The following COMMD10 variants were observed in gnomAD, a reference collection of about 807,000 sequenced individuals.
The protein encoded by COMMD10 is COMM domain-containing protein 10.
In COMMD10, 33 loss-of-function variants were observed where a neutral mutation model predicts 28.9. That is an observed-to-expected ratio of 1.14 (90% confidence interval 0.87 to 1.53). The LOEUF is 1.53. Ranked by LOEUF, COMMD10 falls within the 40% of genes most tolerant of loss-of-function variation. COMMD10 has a pLI of 0.00. For missense variants in COMMD10, 310 were observed against 233.4 expected, an observed-to-expected ratio of 1.33 and a Z score of -2.14; for synonymous variants, 110 against 81.7, an observed-to-expected ratio of 1.35 and a Z score of -1.87.
chr5:116,185,296 T>G (rs145137999), intron 5 of COMMD10, among the ~76,000 whole-genome samples: 1 of 152,086 alleles, frequency 6.6e-6, no homozygotes, highest in Non-Finnish European at 1.5e-5. Context: ...CTTCTAGATA[T>G]AAATATGTGG....
At chr5:116,271,491 T>A (rs1258052670) in intron 5 of COMMD10, among the ~76,000 whole-genome samples, 4 of 151,646 alleles carry the variant, frequency 2.6e-5, no homozygotes, top group Non-Finnish European at 4.4e-5. Context: ...TTCTATTATG[T>A]AAGTATAAGT....
At chr5:116,258,401 T>C (rs569006881) in intron 5 of COMMD10, among the ~76,000 whole-genome samples, 1 of 151,848 alleles carries the variant, frequency 6.6e-6, no homozygotes, top group South Asian at 2.1e-4. Context: ...CTTCCTACTT[T>C]TTGGACACTA....
rs146469958 is a variant in COMMD10, at chr5:116,262,772, C to G, written c.511-28745C>G. Among the ~76,000 whole-genome samples the G allele has an allele frequency of 1.9e-3, 291 of 151,808 alleles. 5 individuals carry two copies. Among genetic ancestry groups the G allele is most frequent in the African/African-American group, 6.7e-3 (275 of 41,244 alleles). On this transcript the variant is annotated intron_variant, in intron 5 of 6. Coordinates refer to ENST00000274458, the MANE Select transcript of COMMD10 (RefSeq NM_016144.4). ...GCCTCATTACTCATTCCCAAAATGA[C>G]CTGAGGTACCAGTTAGGTCCATTTG...
intron 5 of COMMD10, among the ~76,000 whole-genome samples, chr5:116,241,393 C>A (rs1749802672): frequency 6.6e-6 from 1 of 152,064 alleles, no homozygotes; most frequent in Non-Finnish European, 1.5e-5. Flanking sequence ...ACCTACATAT[C>A]TGTAATTTTC....
chr5:116,225,683 A>C (rs201935840), intron 5 of COMMD10, among the ~76,000 whole-genome samples: 2 of 152,110 alleles, frequency 1.3e-5, no homozygotes, highest in East Asian at 3.8e-4. Flanking sequence ...GACAGTAGCC[A>C]TGCCAGCTTT....
intron 5 of COMMD10, among the ~76,000 whole-genome samples, chr5:116,178,511 T>C (rs1747828841): frequency 6.6e-6 from 1 of 152,132 alleles, no homozygotes; most frequent in South Asian, 2.1e-4. Context: ...GTATCTTGGG[T>C]ATGCAAATGT....
intron 5 of COMMD10, among the ~76,000 whole-genome samples, chr5:116,206,588 A>T (rs1382604708): frequency 6.6e-6 from 1 of 152,016 alleles, no homozygotes; most frequent in Non-Finnish European, 1.5e-5. Context: ...GGAGGCAGAG[A>T]TTGCAGAGAG....
At chr5:116,219,295 TCCCTTCCCCTTC>T (rs562802660) in intron 5 of COMMD10, among the ~76,000 whole-genome samples, 1 of 152,104 alleles carries the variant, frequency 6.6e-6, no homozygotes, top group Non-Finnish European at 1.5e-5. Context: ...TTTCTCCCTT[TCCCTTCCCCTTC>T]CCCTTCCCAT....
In COMMD10 at chr5:116,229,627, T is replaced by A. The variant is rs980524200; in HGVS notation, c.511-61890T>A. Among the ~76,000 whole-genome samples the A allele has an allele frequency of 2.0e-5, 3 of 152,008 alleles. No homozygotes were observed. The East Asian group carries it at 5.8e-4, about 29-fold the overall frequency. ...GATTTTGCACTAAAGTAGTTTATCA[T>A]CTAAATTGGAAGACAAACGGTTCAT... On this transcript the variant is annotated intron_variant, in intron 5 of 6. Transcript: ENST00000274458.
intron 5 of COMMD10, among the ~76,000 whole-genome samples, chr5:116,268,705 C>T (rs565283300): frequency 1.3e-5 from 2 of 151,968 alleles, no homozygotes; most frequent in East Asian, 3.9e-4. Context: ...CCCAAATGCC[C>T]ATCAGTGATA....
intron 5 of COMMD10, among the ~76,000 whole-genome samples, chr5:116,265,981 T>C (rs1750574933): frequency 6.6e-6 from 1 of 151,782 alleles, no homozygotes; most frequent in Non-Finnish European, 1.5e-5. Context: ...ATGTGTTAGG[T>C]GCTGCATTAC....
intron 5 of COMMD10, among the ~76,000 whole-genome samples, chr5:116,263,905 G>A (rs934063763): frequency 6.6e-6 from 1 of 151,760 alleles, no homozygotes; most frequent in Non-Finnish European, 1.5e-5. Context: ...CCTCCTGAGG[G>A]CTGTGTCACA....
chr5:116,108,624 C>G (rs1427749780), intron 4 of COMMD10, among the ~76,000 whole-genome samples: 1 of 152,192 alleles, frequency 6.6e-6, no homozygotes, highest in Non-Finnish European at 1.5e-5. Flanking sequence ...GCTTGCTGTA[C>G]TCTGGGGTTG....
intron 5 of COMMD10, among the ~76,000 whole-genome samples, chr5:116,277,713 A>G (rs1750957001): frequency 1.3e-5 from 2 of 151,910 alleles, no homozygotes; most frequent in African/African-American, 4.8e-5. Context: ...AAATTTAACT[A>G]AATTGTCAAA....
chr5:116,266,379 A>G (rs1402961883), intron 5 of COMMD10, among the ~76,000 whole-genome samples: 5 of 151,740 alleles, frequency 3.3e-5, no homozygotes, highest in Admixed American at 2.6e-4. Flanking sequence ...ATTTCAATGG[A>G]AAGGAGTTGC....
At chr5:116,089,931 C>A (rs17138884) in intron 2 of COMMD10, among the ~76,000 whole-genome samples, 16,176 of 152,188 alleles carry the variant, frequency 0.11, 952 homozygotes, top group African/African-American at 0.15. Context: ...TGCCTACTTT[C>A]ATTTATGTAT....
In COMMD10 at chr5:116,085,100, G is replaced by A. The variant is rs775881946; in HGVS notation, c.41+7G>A. On this transcript the variant is annotated splice_region_variant and intron_variant, in intron 1 of 6. Transcript: ENST00000274458. ...TCCTACGGGAGAGCCCCAGGTAGCT[G>A]ATCCGTTAAGCTCTTGCGGTAGCCG... 1 of 1,609,296 alleles carries A rather than the reference G, an allele frequency of 6.2e-7. No individual in the cohort carries two copies. The highest frequency in any genetic ancestry group is 8.5e-7 in the Non-Finnish European group (1 of 1,178,754).
intron 5 of COMMD10, among the ~76,000 whole-genome samples, chr5:116,140,166 C>T (rs1195033722): frequency 1.3e-5 from 2 of 150,888 alleles, no homozygotes; most frequent in African/African-American, 4.9e-5. Flanking sequence ...CCATAATGTC[C>T]TCCAGATTCA....
chr5:116,236,504 CAA>C lies in COMMD10; in HGVS notation c.511-54994_511-54993del, dbSNP rs34066036. Reference sequence around the variant, plus strand: ...GGGTGACAAGAGCAAGACTCCGTCTCAAAAAAAAAAAAAAAAAAAAGAAGTGA... The same window carrying C: ...GGGTGACAAGAGCAAGACTCCGTCTCAAAAAAAAAAAAAAAAAAGAAGTGA... On this transcript the variant is annotated intron_variant, in intron 5 of 6. Transcript: ENST00000274458. Among the ~76,000 whole-genome samples the C allele has an allele frequency of 2.5e-3, 200 of 79,588 alleles. 3 individuals carry two copies. Among genetic ancestry groups the C allele is most frequent in the African/African-American group, 7.6e-3 (179 of 23,608 alleles). 52.2% of individuals were successfully genotyped at this position (79,588 alleles called of 152,430 possible). A position where few individuals can be genotyped will look rare whatever the true frequency, so the allele number is the denominator to read the frequency against.
Sources: allele counts gnomAD v4.1 joint callset (sites outside exome capture counted in the v4.1 genomes callset), GRCh38; gene constraint gnomAD v4.1.1; transcripts MANE v1.5; gene names NCBI Gene and HGNC (gene_info 2026-07-23, HGNC 2026-07-21).